Variants in ZNF557 observed in about 807,000 individuals in gnomAD.
The protein encoded by ZNF557 is CTB-25J19.9.
A neutral mutation model predicts 21.2 loss-of-function variants in ZNF557; 19 were observed. The observed-to-expected ratio is 0.90, with a 90% confidence interval of 0.63 to 1.32. ZNF557 has a LOEUF of 1.32. Among genes scored for constraint, ZNF557 ranks in the 40% most tolerant of loss-of-function variants. ZNF557 has a pLI of 0.00. For missense variants in ZNF557, 487 were observed against 519.8 expected (o/e 0.94, Z 0.61); for synonymous variants, 207 against 194.8 (o/e 1.06, Z -0.52).
rs1461887262 is a variant in ZNF557, at chr19:7,082,949, C to A, written c.498C>A (p.Ser166=). 6.2e-7 allele frequency: 1 copy of A among 1,613,562 alleles called. No individual in the cohort carries two copies. The highest frequency in any genetic ancestry group is 1.7e-5 in the Admixed American group (1 of 59,918). ...QCFKVFSTKS[S]LTRHRKIHTG... is the part of the protein sequence containing the mutation. ...TTAAAGTCTTCAGCACAAAATCTTC[C>A]CTTACACGGCACAGGAAGATTCATA... Residue 166 remains serine (S), a synonymous_variant, in exon 8 of 8, where the codon TCC becomes TCA. Transcript: ENST00000252840.
intron 2 of ZNF557, among the ~76,000 whole-genome samples, chr19:7,074,583 T>C (rs1297260544): frequency 2.7e-5 from 4 of 150,784 alleles, no homozygotes; most frequent in Non-Finnish European, 4.4e-5. Context: ...CTAGGGTCTC[T>C]GATAGAAAAT....
intron 7 of ZNF557, among the ~76,000 whole-genome samples, 169 bp downstream of exon 7, chr19:7,082,221 C>T (rs999297301): frequency 1.3e-5 from 2 of 151,942 alleles, no homozygotes; most frequent in Non-Finnish European, 2.9e-5. Context: ...GAGTTGGAGA[C>T]CAGCCTGGCC....
In ZNF557 at chr19:7,082,033, A is replaced by C. The variant is rs1977718513; in HGVS notation, c.407A>C (p.Gln136Pro). 6.2e-7 allele frequency: 1 copy of C among 1,613,640 alleles called. No individual in the cohort carries two copies. The highest frequency in any genetic ancestry group is 8.5e-7 in the Non-Finnish European group (1 of 1,179,652). ...TPKLHVFRKE[Q>P]SRNMKMERNH... ...AAGCTGCATGTTTTTCGAAAAGAAC[A>C]ATCTAGAAATATGAAAATGGTAAGA... Residue 136 changes from glutamine to proline, a missense_variant, in exon 7 of 8, where the codon CAA (glutamine) becomes CCA (proline). Transcript: ENST00000252840.
intron 2 of ZNF557, among the ~76,000 whole-genome samples, chr19:7,071,739 G>C (rs1369985888): frequency 7.0e-6 from 1 of 143,852 alleles, no homozygotes; most frequent in Non-Finnish European, 1.5e-5. Flanking sequence ...GGCGGAGACT[G>C]CAGTGAGCCA....
chr19:7,071,933 G>A (rs1181521049), intron 2 of ZNF557, among the ~76,000 whole-genome samples: 14 of 135,810 alleles, frequency 1.0e-4, no homozygotes, highest in Admixed American at 2.3e-4. Context: ...GTGAAACCCC[G>A]TCTGTACTAA....
intron 2 of ZNF557, among the ~76,000 whole-genome samples, chr19:7,072,894 A>G (rs78212038): frequency 0.019 from 2,925 of 152,208 alleles, 70 homozygotes; most frequent in African/African-American, 0.065. Flanking sequence ...GGGGGCAGGT[A>G]TCAATAAAAC....
At chr19:7,072,269 C>G (rs942859046) in intron 2 of ZNF557, among the ~76,000 whole-genome samples, 1 of 149,312 alleles carries the variant, frequency 6.7e-6, no homozygotes, top group South Asian at 2.1e-4. Context: ...ACTAAAAATA[C>G]AAAAATTAGC....
chr19:7,069,930 G>A (rs1977426668), intron 1 of ZNF557, among the ~76,000 whole-genome samples, 157 bp downstream of exon 1: 2 of 152,206 alleles, frequency 1.3e-5, no homozygotes, highest in Admixed American at 1.3e-4. Flanking sequence ...TCCTCACTCT[G>A]TCGTCCTCAC....
In ZNF557 at chr19:7,082,909, A is replaced by C; in HGVS notation, c.458A>C (p.Glu153Ala). The C allele has an allele frequency of 1.2e-6, 2 of 1,602,578 alleles. No individual in the cohort carries two copies. The highest frequency in any genetic ancestry group is 3.3e-4 in the Middle Eastern group (2 of 5,996). Residue 153 changes from glutamate to alanine, a missense_variant, in exon 8 of 8, where the codon GAA (glutamate) becomes GCA (alanine). Transcript: ENST00000252840. Reference protein sequence around the residue: ...ERNHLGATLNECNQCFKVFST... With the variant: ...ERNHLGATLNACNQCFKVFST... Reference sequence around the variant, plus strand: ...AATCATCTTGGAGCAACACTCAACGAATGTAATCAGTGTTTTAAAGTCTTC... The same window carrying C: ...AATCATCTTGGAGCAACACTCAACGCATGTAATCAGTGTTTTAAAGTCTTC...
At position 7,083,544 on chromosome 19, in the gene ZNF557, A is replaced by G. The variant is rs761381368; in HGVS notation, c.1093A>G (p.Ile365Val). 13 of 1,614,064 alleles carry G rather than the reference A, an allele frequency of 8.1e-6. No individual in the cohort carries two copies. Among genetic ancestry groups the G allele is most frequent in the African/African-American group, 4.0e-5 (3 of 74,932 alleles). ...CTTTACCAATAGCTTTTCTCTTACA[A>G]TTCACAGGAGAATACATAATGGAGA... ...KSFTNSFSLT[I>V]HRRIHNGEKS... Residue 365 changes from isoleucine to valine, a missense_variant, in exon 8 of 8, where the codon ATT becomes GTT. By Grantham distance (29) the Ile-to-Val change is conservative (BLOSUM62 3). Transcript: ENST00000252840.
At chr19:7,072,825 C>T (rs539884237) in intron 2 of ZNF557, among the ~76,000 whole-genome samples, 1 of 152,306 alleles carries the variant, frequency 6.6e-6, no homozygotes, top group East Asian at 1.9e-4. Context: ...GTCCTGCTCC[C>T]AGAAAGCCAG....
chr19:7,086,469 C>A lies in ZNF557; in HGVS notation c.*2725C>A, dbSNP rs1977850569. ...CTCTGCCTCCCAGATTCACGCCATC[C>A]TCCTGCCTCAGCCTCCCGAGTAGCT... On this transcript the variant is annotated 3_prime_UTR_variant, in exon 8 of 8. Transcript: ENST00000252840. 6.7e-6 allele frequency: 1 copy of A among 149,530 alleles called. No homozygotes were observed. The highest frequency in any genetic ancestry group is 2.1e-4 in the South Asian group (1 of 4,734). The allele number at this position is 149,530 out of a possible 1,614,324, so 9.3% of individuals were successfully genotyped here. A position where few individuals can be genotyped will look rare whatever the true frequency, so the allele number is the denominator to read the frequency against.
chr19:7,075,601 G>A (rs138132028), intron 3 of ZNF557, 54 bp from the exon 4 acceptor site: 4 of 1,579,874 alleles, frequency 2.5e-6, no homozygotes, highest in East Asian at 2.3e-5. Context: ...CTCCAGATGT[G>A]TGAGTGGACA....
intron 6 of ZNF557, 129 bp from the exon 7 acceptor site, chr19:7,081,841 C>T (rs1977713244): frequency 1.6e-5 from 11 of 672,422 alleles, no homozygotes; most frequent in South Asian, 1.4e-4. Context: ...TCTCTTTCAC[C>T]GAATGCCTTC....
At chr19:7,076,538 A>G in intron 5 of ZNF557, 31 bp downstream of exon 5, 1 of 1,604,230 alleles carries the variant, frequency 6.2e-7, no homozygotes. Context: ...GCATTTATTT[A>G]ATGACTCAGG....
At chr19:7,080,655 G>A (rs1977681500) in intron 5 of ZNF557, among the ~76,000 whole-genome samples, 1 of 152,208 alleles carries the variant, frequency 6.6e-6, no homozygotes, top group African/African-American at 2.4e-5. Flanking sequence ...ACAGGTTGTT[G>A]TCCTCAAGGC....
At chr19:7,080,436 T>A (rs73496946) in intron 5 of ZNF557, among the ~76,000 whole-genome samples, 4,961 of 152,224 alleles carry the variant, frequency 0.033, 264 homozygotes, top group African/African-American at 0.11. Context: ...CAGTGGCTGA[T>A]TTGCCTTTAG....
chr19:7,083,433 A>T lies in ZNF557; in HGVS notation c.982A>T (p.Thr328Ser), dbSNP rs1367278834. The change falls in exon 8 of 8, where the codon ACC becomes TCC. Residue 328 changes from threonine (T) to serine (S), a missense_variant. Thr to Ser is a moderately conservative substitution (Grantham distance 58). Transcript: ENST00000252840. ...YPYECHDCGRTFRRRSNLTQH... is the reference protein window; with the variant it reads ...YPYECHDCGRSFRRRSNLTQH... ...TTACGAATGCCACGATTGTGGGAGA[A>T]CCTTCAGGAGGAGGTCGAATCTGAC... The T allele has an allele frequency of 5.0e-6, 8 of 1,614,158 alleles. No homozygotes were observed. The highest frequency in any genetic ancestry group is 6.8e-6 in the Non-Finnish European group (8 of 1,180,024).
At position 7,083,804 on chromosome 19, in the gene ZNF557, A is replaced by C; in HGVS notation, c.*60A>C. ...TTCATGCCTCAGATAACATGAGCAA[A>C]CTCTAACAAGATGTATGAATCACCT... is the stretch of plus-strand genomic sequence containing the variant. On this transcript the variant is annotated 3_prime_UTR_variant, in exon 8 of 8. Coordinates refer to ENST00000252840, the MANE Select transcript of ZNF557 (RefSeq NM_024341.3). The C allele has an allele frequency of 2.0e-6, 3 of 1,530,210 alleles. No homozygotes were observed. Among genetic ancestry groups the C allele is most frequent in the Non-Finnish European group, 2.6e-6 (3 of 1,138,612 alleles). 94.8% of individuals were successfully genotyped at this position (1,530,210 alleles called of 1,614,324 possible).
Sources: gnomAD v4.1 joint callset for allele counts (sites outside exome capture counted in the v4.1 genomes callset) on GRCh38, gnomAD v4.1.1 for gene constraint, MANE v1.5 for transcripts, NCBI Gene and HGNC (gene_info 2026-07-23, HGNC 2026-07-21) for gene names.